The following ELFN2 variants were observed in gnomAD, a reference collection of about 807,000 sequenced individuals.
The protein encoded by ELFN2 is extracellular leucine rich repeat and fibronectin type III domain containing 2, also known as protein phosphatase 1 regulatory subunit 29.
ELFN2 carries 17 observed loss-of-function variants against 45.5 expected under a neutral mutation model. That is an observed-to-expected ratio of 0.37 (90% CI 0.26 to 0.56). ELFN2 has a LOEUF of 0.56. ELFN2 is among the 20% of genes least tolerant of loss of function. ELFN2 has a pLI of 0.77. For missense variants in ELFN2, 922 were observed against 1,183.2 expected, an observed-to-expected ratio of 0.78 and a Z score of 3.24; for synonymous variants, 550 against 551.5, an observed-to-expected ratio of 1.00 and a Z score of 0.04.
intron 2 of ELFN2, among the ~76,000 whole-genome samples, chr22:37,402,771 C>T (rs1045453251): frequency 9.2e-5 from 14 of 152,120 alleles, no homozygotes; most frequent in African/African-American, 3.1e-4. Flanking sequence ...TCCAGGGGCT[C>T]GGTGGGTCCC....
intron 1 of ELFN2, chr22:37,352,272 C>T (rs1403329712): frequency 6.6e-6 from 1 of 150,950 alleles, no homozygotes; most frequent in Non-Finnish European, 1.5e-5. Context: ...GTGTCCTCTA[C>T]CAAGCACACC....
chr22:37,398,532 G>A (rs1254385438), intron 2 of ELFN2, among the ~76,000 whole-genome samples: 2 of 147,040 alleles, frequency 1.4e-5, no homozygotes, highest in Middle Eastern at 3.4e-3. Context: ...ACTGACTGTC[G>A]CCTACCCTGC....
intron 2 of ELFN2, among the ~76,000 whole-genome samples, chr22:37,397,695 C>A (rs7286379): frequency 0.013 from 1,910 of 152,314 alleles, 47 homozygotes; most frequent in African/African-American, 0.044. Context: ...AACTGAGGCT[C>A]CAAGAGCAAG....
chr22:37,399,098 C>T (rs1344017165), intron 2 of ELFN2, among the ~76,000 whole-genome samples: 1 of 152,146 alleles, frequency 6.6e-6, no homozygotes, highest in Admixed American at 6.5e-5. Flanking sequence ...CCTCCCTCCC[C>T]ACTCCCAGGG....
chr22:37,357,525 C>G (rs1286342997), intron 1 of ELFN2, among the ~76,000 whole-genome samples: 2 of 152,106 alleles, frequency 1.3e-5, no homozygotes, highest in Non-Finnish European at 2.9e-5. Context: ...GATTTTTAGC[C>G]ACACTTCTTA....
In ELFN2 at chr22:37,374,292, C is replaced by G; in HGVS notation, c.1243G>C (p.Val415Leu). 6.2e-7 allele frequency: 1 copy of G among 1,613,842 alleles called. No homozygotes were observed. Among genetic ancestry groups the G allele is most frequent in the Non-Finnish European group, 8.5e-7 (1 of 1,179,924 alleles). The change falls in exon 3 of 3, where the codon GTG becomes CTG. Residue 415 changes from valine to leucine, a missense_variant. Val to Leu is a conservative substitution (Grantham distance 32). Around this residue, in one of 2 missense-constraint regions of ELFN2, gnomAD observed 564 missense variants for 642.8 expected, o/e 0.88. Transcript: ENST00000402918. ...CGCCGCTTGCGCAGGCAGTAGTACA[C>G]GGCTCCCAGCACGATAACCATGCCA... ...LFGMVIVLGA[V>L]YYCLRKRRMQ...
Position 37,425,578 on chromosome 22 carries a change from C to T in ELFN2, c.-614+1720G>A, listed in dbSNP as rs553731486. 7.8e-4 allele frequency among the ~76,000 whole-genome samples: 109 copies of T among 140,210 alleles called. 2 individuals are homozygous for T. In the South Asian group the frequency reaches 0.023, roughly 29 times the overall value. 92.0% of individuals were successfully genotyped at this position (140,210 alleles called of 152,430 possible). ...AAAACTGTCCCAGTGACGTCACCTGCGGCCTGGAGCTTATGTCACACCTGA... is the reference window on the plus strand; with the variant it reads ...AAAACTGTCCCAGTGACGTCACCTGTGGCCTGGAGCTTATGTCACACCTGA... On this transcript the variant is annotated intron_variant, in intron 1 of 2. Transcript: ENST00000402918.
intron 2 of ELFN2, chr22:37,342,504 C>G (rs934931273): frequency 2.6e-5 from 4 of 152,238 alleles, no homozygotes; most frequent in Non-Finnish European, 4.4e-5. Flanking sequence ...GGGCCCTCCC[C>G]CGAGGTGCAG....
At chr22:37,409,062 G>A (rs534386670) in intron 2 of ELFN2, among the ~76,000 whole-genome samples, 19 of 152,168 alleles carry the variant, frequency 1.2e-4, no homozygotes, top group Non-Finnish European at 2.5e-4. Flanking sequence ...TTGGCCAAGG[G>A]AACAAAAAAG....
At chr22:37,398,038 C>T (rs1407639500) in intron 2 of ELFN2, among the ~76,000 whole-genome samples, 1 of 152,100 alleles carries the variant, frequency 6.6e-6, no homozygotes, top group South Asian at 2.1e-4. Context: ...CAATAACAGC[C>T]GAACATCTTC....
intron 2 of ELFN2, among the ~76,000 whole-genome samples, chr22:37,376,542 G>A (rs1245970233): frequency 6.6e-6 from 1 of 152,192 alleles, no homozygotes; most frequent in Admixed American, 6.5e-5. Flanking sequence ...TTTCCTCCAT[G>A]CCCAAAGATA....
At chr22:37,354,711 C>T (rs573695644) in intron 1 of ELFN2, 1 of 151,262 alleles carries the variant, frequency 6.6e-6, no homozygotes, top group Non-Finnish European at 1.5e-5. Flanking sequence ...CAGGGGTTCT[C>T]ACCCTTGTTA....
At chr22:37,387,392 C>A (rs184790527) in intron 2 of ELFN2, among the ~76,000 whole-genome samples, 38 of 152,098 alleles carry the variant, frequency 2.5e-4, no homozygotes, top group Non-Finnish European at 4.6e-4. Flanking sequence ...CTTTCTCCCC[C>A]CTTCTCTCTC....
intron 2 of ELFN2, among the ~76,000 whole-genome samples, chr22:37,388,387 C>T (rs923802172): frequency 2.6e-5 from 4 of 152,168 alleles, no homozygotes; most frequent in African/African-American, 9.7e-5. Flanking sequence ...GGACTGAGTT[C>T]CCCGAGGAAG....
At chr22:37,382,272 C>T (rs1174097519) in intron 2 of ELFN2, among the ~76,000 whole-genome samples, 2 of 147,728 alleles carry the variant, frequency 1.4e-5, no homozygotes, top group East Asian at 2.0e-4. Context: ...CTCTCAGCGC[C>T]CACCTAAAGC....
At chr22:37,406,596 C>T (rs1322222819) in intron 2 of ELFN2, among the ~76,000 whole-genome samples, 1 of 152,222 alleles carries the variant, frequency 6.6e-6, no homozygotes, top group Non-Finnish European at 1.5e-5. Flanking sequence ...TCCCGTCCCC[C>T]GCTCTGCATC....
At chr22:37,410,872 G>A (rs957525875) in intron 2 of ELFN2, among the ~76,000 whole-genome samples, 7 of 152,214 alleles carry the variant, frequency 4.6e-5, no homozygotes, top group African/African-American at 1.7e-4. Context: ...GGCAGTAGGA[G>A]GGGCCACAGG....
rs758429117 is a variant in ELFN2, at chr22:37,375,489, G to A, written c.46C>T (p.Arg16Trp). 8.4e-5 allele frequency: 133 copies of A among 1,592,224 alleles called. 1 individual carries two copies. The highest frequency in any genetic ancestry group is 4.5e-4 in the South Asian group (40 of 88,594). The change falls in exon 3 of 3, where the codon CGG becomes TGG. Residue 16 changes from arginine to tryptophan, a missense_variant. Transcript: ENST00000402918. ...CAGTCGGCACGCACGGCACCCGGCCGGCACACGCACAGCAGCGCCGCCGCG... is the reference window on the plus strand; with the variant it reads ...CAGTCGGCACGCACGGCACCCGGCCAGCACACGCACAGCAGCGCCGCCGCG... ...LCAAALLCVC[R>W]PGAVRADCWL...
At chr22:37,410,770 G>A (rs887881336) in intron 2 of ELFN2, among the ~76,000 whole-genome samples, 5 of 152,188 alleles carry the variant, frequency 3.3e-5, no homozygotes, top group East Asian at 1.9e-4. Context: ...GGAGCCCCAC[G>A]GCCAGCGGGG....
Sources: allele counts gnomAD v4.1 joint callset (sites outside exome capture counted in the v4.1 genomes callset), GRCh38; gene constraint gnomAD v4.1.1; regional missense constraint gnomAD v4.1.1; transcripts MANE v1.5; gene names NCBI Gene and HGNC (gene_info 2026-07-23, HGNC 2026-07-21).